Variants in JAK2 observed in about 807,000 individuals in gnomAD.
JAK2 encodes Janus kinase 2, also known as tyrosine-protein kinase JAK2.
In JAK2, 86 loss-of-function variants were observed where a neutral mutation model predicts 139.3. The ratio of observed to expected loss-of-function variants is 0.62; its 90% CI spans 0.52 to 0.74. The LOEUF (loss-of-function observed/expected upper bound fraction) is 0.74, where lower values mean the gene tolerates loss of function less well. Among genes scored for constraint, JAK2 ranks in the 30% least tolerant of loss-of-function variants. The pLI, the probability that JAK2 is intolerant of heterozygous loss-of-function variation, is 0.00. For synonymous variants in JAK2, 490 were observed against 437.7 expected (o/e 1.12, Z -1.49); for missense variants, 1,421 against 1,360.3 (o/e 1.04, Z -0.70).
chr9:5,116,089 TG>T (rs1194026224), intron 22 of JAK2, among the ~76,000 whole-genome samples: 1 of 152,186 alleles, frequency 6.6e-6, no homozygotes, highest in Non-Finnish European at 1.5e-5. Flanking sequence ...GAACATTTAT[TG>T]TAGGCTTACA....
chr9:5,080,720 T>G, intron 18 of JAK2, 37 bp downstream of exon 18: 1 of 1,449,492 alleles, frequency 6.9e-7, no homozygotes, highest in Non-Finnish European at 9.3e-7. Flanking sequence ...TTTCCAGCTT[T>G]CTATCTTTAT....
rs1207058237 is a variant in JAK2, at chr9:5,064,935, A to G, written c.1109A>G (p.Asp370Gly). ...REALSFVSLI[D>G]GYYRLTADAH... ...GCTTTGTCTTTCGTGTCATTAATTG[A>G]TGGATATTATAGATTAACTGCAGAT... Residue 370 changes from aspartate to glycine, a missense_variant, in exon 9 of 25, where the codon GAT (aspartate) becomes GGT (glycine). By Grantham distance (94) the Asp-to-Gly change is moderately conservative. Coordinates refer to ENST00000381652, the MANE Select transcript of JAK2 (RefSeq NM_004972.4). The G allele has an allele frequency of 6.2e-7, 1 of 1,600,268 alleles. No homozygotes were observed.
chr9:5,054,586 G>A lies in JAK2; in HGVS notation c.638G>A (p.Cys213Tyr), dbSNP rs1324467147. The change falls in exon 7 of 25, where the codon TGT becomes TAT. Residue 213 changes from cysteine (C) to tyrosine (Y), a missense_variant. Physicochemically the swap from Cys to Tyr is radical, Grantham distance 194. Coordinates refer to ENST00000381652, the MANE Select transcript of JAK2 (RefSeq NM_004972.4). The surrounding 1 kb of genome is among the most constrained non-coding windows in gnomAD (Gnocchi z 4.9). ...AGCTACAAGACATTCTTACCAAAAT[G>A]TATTCGAGCAAAGATCCAAGACTAT... ...SISYKTFLPK[C>Y]IRAKIQDYHI... The A allele has an allele frequency of 7.5e-6, 12 of 1,594,852 alleles. No individual in the cohort carries two copies. The highest frequency in any genetic ancestry group is 5.7e-5 in the South Asian group (5 of 88,448).
intron 8 of JAK2, among the ~76,000 whole-genome samples, chr9:5,063,104 T>C (rs1294571453): frequency 1.3e-5 from 2 of 152,198 alleles, no homozygotes; most frequent in Admixed American, 6.5e-5. Context: ...CTCTTTATTA[T>C]AATTTTTGGT....
chr9:5,113,424 TAAAAAAAA>T (rs35820131), intron 22 of JAK2: 76 of 114,120 alleles, frequency 6.7e-4, no homozygotes, highest in South Asian at 1.4e-3. Flanking sequence ...ATTAGTTATT[TAAAAAAAA>T]AAAAAAAAAA....
At chr9:5,052,458 T>C (rs1817482808) in intron 6 of JAK2, among the ~76,000 whole-genome samples, 1 of 152,096 alleles carries the variant, frequency 6.6e-6, no homozygotes, top group Non-Finnish European at 1.5e-5. Flanking sequence ...AACATTCATA[T>C]AAGATTCCAT....
chr9:5,100,838 G>A (rs1821421330), intron 22 of JAK2: 1 of 152,300 alleles, frequency 6.6e-6, no homozygotes, highest in Non-Finnish European at 1.5e-5. Context: ...ACAGCCACAG[G>A]CTTTCATGGA....
chr9:4,990,057 G>T (rs1393105114), intron 2 of JAK2, among the ~76,000 whole-genome samples: 1 of 152,186 alleles, frequency 6.6e-6, no homozygotes, highest in Admixed American at 6.5e-5. Flanking sequence ...AAATAATTGA[G>T]CCCTGAAGTA....
intron 2 of JAK2, among the ~76,000 whole-genome samples, chr9:5,000,154 GTT>G (rs927620801): frequency 6.7e-6 from 1 of 149,200 alleles, no homozygotes; most frequent in African/African-American, 2.5e-5. Flanking sequence ...TATTTTTTCT[GTT>G]TTTTTTTAAA....
intron 2 of JAK2, among the ~76,000 whole-genome samples, chr9:4,998,859 C>A (rs1820755722): frequency 6.6e-6 from 1 of 152,092 alleles, no homozygotes. Flanking sequence ...GAGATGGAGT[C>A]TCCCTCTGTC....
chr9:5,054,409 T>G lies in JAK2; in HGVS notation c.615-154T>G, dbSNP rs1169293398. On this transcript the variant is annotated intron_variant, in intron 6 of 24. Coordinates refer to ENST00000381652, the MANE Select transcript of JAK2 (RefSeq NM_004972.4). This position sits in a 1 kb window ranked among gnomAD's most constrained non-coding sequence, Gnocchi z 4.9. ...CAAAATCTTAAAGTTTTATACTGTA[T>G]GGATGGGGGTTATGTCAACTTACGC... Among the ~76,000 whole-genome samples, 1 of 152,050 alleles carries G rather than the reference T, an allele frequency of 6.6e-6. No individual in the cohort carries two copies. Among genetic ancestry groups the G allele is most frequent in the Non-Finnish European group, 1.5e-5 (1 of 67,916 alleles).
chr9:5,006,290 CTG>C (rs1197841451), intron 2 of JAK2, among the ~76,000 whole-genome samples: 1 of 152,086 alleles, frequency 6.6e-6, no homozygotes, highest in Admixed American at 6.5e-5. Context: ...ATTTGGCTCT[CTG>C]TGTGTTATTG....
chr9:5,114,170 T>C, intron 22 of JAK2: 1 of 428,146 alleles, frequency 2.3e-6, no homozygotes, highest in East Asian at 5.3e-5. Flanking sequence ...AGTGTGCAGA[T>C]TCTAACCCGC....
chr9:5,069,934 A>T lies in JAK2; in HGVS notation c.1523A>T (p.Asn508Ile). ...CCPPKPKDKS[N>I]LLVFRTNGVS... is the part of the protein sequence containing the mutation. ...TATTTTATTTTTTCAGATAAATCAA[A>T]CCTTCTAGTCTTCAGAACGAATGGT... Residue 508 changes from asparagine (N) to isoleucine (I), a missense_variant, in exon 12 of 25, where the codon AAC becomes ATC. Coordinates refer to ENST00000381652, the MANE Select transcript of JAK2 (RefSeq NM_004972.4). 1 of 1,595,382 alleles carries T rather than the reference A, an allele frequency of 6.3e-7. No homozygotes were observed. The highest frequency in any genetic ancestry group is 8.6e-7 in the Non-Finnish European group (1 of 1,167,582).
intron 22 of JAK2, among the ~76,000 whole-genome samples, chr9:5,103,033 C>G (rs761706886): frequency 1.4e-4 from 21 of 151,760 alleles, no homozygotes; most frequent in Admixed American, 6.6e-5. Context: ...GGTTCAAATT[C>G]ACACATAACA....
intron 2 of JAK2, among the ~76,000 whole-genome samples, chr9:5,012,631 A>G (rs1200727283): frequency 1.3e-5 from 2 of 152,200 alleles, no homozygotes; most frequent in Non-Finnish European, 2.9e-5. Context: ...TTTTATGAGC[A>G]TAGCATTAAT....
intron 22 of JAK2, among the ~76,000 whole-genome samples, chr9:5,115,297 A>T (rs1449698074): frequency 6.6e-6 from 1 of 152,190 alleles, no homozygotes; most frequent in African/African-American, 2.4e-5. Context: ...GTGGCCAACA[A>T]ACATATGAAA....
chr9:5,038,664 A>C (rs1816257863), intron 4 of JAK2, among the ~76,000 whole-genome samples: 1 of 151,988 alleles, frequency 6.6e-6, no homozygotes, highest in Non-Finnish European at 1.5e-5. Context: ...ACCTAATATA[A>C]AAATCTAAAG....
At chr9:5,044,233 A>AT (rs1379357410) in intron 4 of JAK2, among the ~76,000 whole-genome samples, 170 bp from the exon 5 acceptor site, 6 of 152,322 alleles carry the variant, frequency 3.9e-5, no homozygotes, top group African/African-American at 1.4e-4. Flanking sequence ...TTCTGCCTAT[A>AT]TTAGTGTTAT....
Sources: gnomAD v4.1 joint callset for allele counts (sites outside exome capture counted in the v4.1 genomes callset) on GRCh38, gnomAD v4.1.1 for gene constraint, Gnocchi (gnomAD v3.1) non-coding constraint, MANE v1.5 for transcripts, NCBI Gene and HGNC (gene_info 2026-07-23, HGNC 2026-07-21) for gene names.